CNTNAP4: variants seen among roughly 807,000 people sequenced by gnomAD.
CNTNAP4 encodes contactin associated protein family member 4, also known as contactin-associated protein-like 4.
CNTNAP4 carries 98 observed loss-of-function variants against 148.4 expected under a neutral mutation model. That is an observed-to-expected ratio of 0.66 (90% CI 0.56 to 0.78). The LOEUF is 0.78. Ranked by LOEUF, CNTNAP4 falls within the 30% of genes least tolerant of loss-of-function variation. The pLI is 0.00. For missense variants in CNTNAP4, 1,935 were observed against 1,565.6 expected, an observed-to-expected ratio of 1.24 and a Z score of -3.98; for synonymous variants, 730 against 565.1, an observed-to-expected ratio of 1.29 and a Z score of -4.14.
chr16:76,433,049 T>G (rs2079667381), intron 4 of CNTNAP4, among the ~76,000 whole-genome samples: 1 of 152,118 alleles, frequency 6.6e-6, no homozygotes, highest in Non-Finnish European at 1.5e-5. Context: ...TACCCCACAT[T>G]CAAATCTGGG....
chr16:76,350,461 G>A (rs910657530), intron 2 of CNTNAP4, among the ~76,000 whole-genome samples: 18 of 152,222 alleles, frequency 1.2e-4, no homozygotes, highest in Admixed American at 1.0e-3. Context: ...ATAGGCACTG[G>A]ATAATTTTTA....
intron 3 of CNTNAP4, among the ~76,000 whole-genome samples, chr16:76,415,553 C>T (rs1395111798): frequency 6.6e-6 from 1 of 150,988 alleles, no homozygotes; most frequent in African/African-American, 2.4e-5. Flanking sequence ...CCTTTGAAAT[C>T]ATTTTTATTG....
intron 19 of CNTNAP4, 31 bp from the exon 20 acceptor site, chr16:76,539,688 C>G (rs772773052): frequency 1.9e-6 from 3 of 1,547,390 alleles, no homozygotes; most frequent in Non-Finnish European, 2.6e-6. Context: ...ACGATTTTTA[C>G]TAAAAGAATC....
intron 9 of CNTNAP4, among the ~76,000 whole-genome samples, chr16:76,462,934 T>A (rs375902445): frequency 6.6e-6 from 1 of 152,212 alleles, no homozygotes; most frequent in Non-Finnish European, 1.5e-5. Context: ...GCTGAGTCTC[T>A]ATTATTCACT....
At chr16:76,280,961 G>T (rs1958664066) in intron 1 of CNTNAP4, among the ~76,000 whole-genome samples, 1 of 152,070 alleles carries the variant, frequency 6.6e-6, no homozygotes, top group Non-Finnish European at 1.5e-5. Flanking sequence ...AGGCTCTCTA[G>T]TTACTGGTAT....
chr16:76,448,715 T>G, intron 5 of CNTNAP4, 52 bp from the exon 6 acceptor site: 1 of 1,379,306 alleles, frequency 7.3e-7, no homozygotes, highest in Non-Finnish European at 9.7e-7. Context: ...AACCTTTTTT[T>G]TTTTTCTTTA....
intron 18 of CNTNAP4, among the ~76,000 whole-genome samples, chr16:76,536,886 C>G (rs114288901): frequency 0.014 from 2,183 of 152,220 alleles, 53 homozygotes; most frequent in African/African-American, 0.049. Context: ...TAAAGTGTCT[C>G]TTGGCTATTG....
chr16:76,288,224 C>A (rs1035369434), intron 1 of CNTNAP4, among the ~76,000 whole-genome samples: 1 of 152,016 alleles, frequency 6.6e-6, no homozygotes, highest in African/African-American at 2.4e-5. Flanking sequence ...CCATGTAAGA[C>A]GTGCCTGTTT....
chr16:76,427,686 G>A, intron 4 of CNTNAP4, 87 bp downstream of exon 4: 2 of 1,297,984 alleles, frequency 1.5e-6, no homozygotes, highest in South Asian at 1.6e-5. Flanking sequence ...GGACTTTTTA[G>A]CTACATAAAG....
intron 3 of CNTNAP4, among the ~76,000 whole-genome samples, chr16:76,413,059 C>T (rs1232693360): frequency 6.6e-6 from 1 of 151,370 alleles, no homozygotes; most frequent in Non-Finnish European, 1.5e-5. Flanking sequence ...CTAAGCACAT[C>T]ATGGATGGGG....
intron 1 of CNTNAP4, among the ~76,000 whole-genome samples, chr16:76,304,842 A>G (rs1395130587): frequency 6.6e-6 from 1 of 152,172 alleles, no homozygotes; most frequent in South Asian, 2.1e-4. Context: ...GGATGTCCAT[A>G]TCTTAATCCC....
At chr16:76,358,024 C>T (rs746485088) in intron 3 of CNTNAP4, among the ~76,000 whole-genome samples, 1 of 152,058 alleles carries the variant, frequency 6.6e-6, no homozygotes, top group Non-Finnish European at 1.5e-5. Context: ...TGGAAGGTAT[C>T]AAAAGTTTAT....
chr16:76,497,237 G>A (rs7187953), intron 14 of CNTNAP4, among the ~76,000 whole-genome samples: 127,557 of 152,182 alleles, frequency 0.84, 54,350 homozygotes, highest in East Asian at 0.97. Context: ...ATATATTACA[G>A]CAATAGATAA....
chr16:76,554,112 A>G (rs1279146089), intron 23 of CNTNAP4, among the ~76,000 whole-genome samples: 3 of 152,216 alleles, frequency 2.0e-5, no homozygotes, highest in South Asian at 2.1e-4. Flanking sequence ...GATTTTCAGT[A>G]TAAATAATTG....
At chr16:76,360,209 A>G (rs1051458563) in intron 3 of CNTNAP4, among the ~76,000 whole-genome samples, 1 of 152,192 alleles carries the variant, frequency 6.6e-6, no homozygotes, top group Non-Finnish European at 1.5e-5. Flanking sequence ...CTGGTGAAAG[A>G]CACAGAGACC....
intron 17 of CNTNAP4, among the ~76,000 whole-genome samples, chr16:76,525,390 A>T (rs1425476521): frequency 6.6e-6 from 1 of 151,126 alleles, no homozygotes; most frequent in Non-Finnish European, 1.5e-5. Context: ...AAGAGAAGAG[A>T]CAAGCAATTA....
chr16:76,370,167 G>T (rs992468503), intron 3 of CNTNAP4, among the ~76,000 whole-genome samples: 1 of 152,104 alleles, frequency 6.6e-6, no homozygotes, highest in Admixed American at 6.5e-5. Context: ...AGCGTACCTT[G>T]GTTGTCAATA....
At chr16:76,306,788 A>G (rs1387310066) in intron 1 of CNTNAP4, among the ~76,000 whole-genome samples, 1 of 152,192 alleles carries the variant, frequency 6.6e-6, no homozygotes, top group East Asian at 1.9e-4. Flanking sequence ...GAAGGGATGG[A>G]TTATTTTAAG....
At chr16:76,502,978 G>T (rs1477019850) in intron 15 of CNTNAP4, among the ~76,000 whole-genome samples, 2 of 152,056 alleles carry the variant, frequency 1.3e-5, no homozygotes, top group Non-Finnish European at 2.9e-5. Flanking sequence ...CGGTTATGAG[G>T]TTACCCCAAT....
Sources: gnomAD v4.1 joint callset for allele counts (sites outside exome capture counted in the v4.1 genomes callset) on GRCh38, gnomAD v4.1.1 for gene constraint, MANE v1.5 for transcripts, NCBI Gene and HGNC (gene_info 2026-07-23, HGNC 2026-07-21) for gene names.